The following UGT1A8 variants were observed in gnomAD, a reference collection of about 807,000 sequenced individuals.
UGT1A8 encodes the protein UDP-glucuronosyltransferase 1A8.
In UGT1A8, 39 loss-of-function variants were observed where a neutral mutation model predicts 45.3. The ratio of observed to expected loss-of-function variants is 0.86; its 90% CI spans 0.67 to 1.12. UGT1A8 has a LOEUF of 1.12. Ranked by LOEUF, UGT1A8 falls within the 50% of genes most tolerant of loss-of-function variation. The pLI, the probability that UGT1A8 is intolerant of heterozygous loss-of-function variation, is 0.00. For synonymous variants in UGT1A8, 275 were observed against 249.2 expected, an observed-to-expected ratio of 1.10 and a Z score of -0.97; for missense variants, 719 against 664.9, an observed-to-expected ratio of 1.08 and a Z score of -0.90.
intron 1 of UGT1A8, among the ~76,000 whole-genome samples, chr2:233,758,359 C>A (rs1696853264): frequency 6.6e-6 from 1 of 152,198 alleles, no homozygotes; most frequent in Non-Finnish European, 1.5e-5. Flanking sequence ...GCAGGAAAGT[C>A]ATAAAATCAT....
At chr2:233,631,559 G>T (rs2073186134) in intron 1 of UGT1A8, among the ~76,000 whole-genome samples, 1 of 152,088 alleles carries the variant, frequency 6.6e-6, no homozygotes, top group African/African-American at 2.4e-5. Flanking sequence ...ATCTCATTGT[G>T]GTTTTGATTT....
intron 1 of UGT1A8, among the ~76,000 whole-genome samples, chr2:233,626,554 TCA>T (rs1403150247): frequency 6.6e-6 from 1 of 152,066 alleles, no homozygotes; most frequent in Non-Finnish European, 1.5e-5. Context: ...CAACATCTGG[TCA>T]CAGTTTTCTC....
intron 1 of UGT1A8, chr2:233,718,998 G>T (rs759529745): frequency 1.9e-6 from 3 of 1,614,266 alleles, no homozygotes; most frequent in South Asian, 1.1e-5. Context: ...CCAGGCGGTG[G>T]TCCTCACCCC....
At chr2:233,743,076 G>T (rs1054800) in intron 1 of UGT1A8, 5 of 344,584 alleles carry the variant, frequency 1.5e-5, no homozygotes, top group Non-Finnish European at 2.8e-5. Context: ...GTGTTGGCAT[G>T]AAGTGTTTAT....
At chr2:233,622,244 C>G (rs146076542) in intron 1 of UGT1A8, among the ~76,000 whole-genome samples, 5 of 152,112 alleles carry the variant, frequency 3.3e-5, no homozygotes, top group African/African-American at 1.2e-4. Flanking sequence ...GGGTATATAC[C>G]CAGTAATGGG....
At chr2:233,659,378 A>G (rs2073921460) in intron 1 of UGT1A8, among the ~76,000 whole-genome samples, 4 of 152,232 alleles carry the variant, frequency 2.6e-5, no homozygotes, top group Admixed American at 2.0e-4. Flanking sequence ...CATATTTGAT[A>G]TGCTTTATGT....
chr2:233,707,812 G>A lies in UGT1A8; in HGVS notation c.856-59222G>A, dbSNP rs998296659. On this transcript the variant is annotated intron_variant, in intron 1 of 4. Transcript: ENST00000373450. ...GGGTGGAGCTGCTGCGTTGGAGGGC[G>A]TGCATATCATTAATTTAATAAGATG... Among the ~76,000 whole-genome samples, 10 of 152,234 alleles carry A rather than the reference G, an allele frequency of 6.6e-5. No homozygotes were observed. In the Middle Eastern group the frequency reaches 0.01, roughly 155 times the overall value.
At chr2:233,631,626 T>G (rs187146840) in intron 1 of UGT1A8, among the ~76,000 whole-genome samples, 12 of 152,340 alleles carry the variant, frequency 7.9e-5, no homozygotes, top group Admixed American at 7.2e-4. Flanking sequence ...GTTGGTTGTA[T>G]AAATGTCTTC....
chr2:233,621,084 C>CA (rs2072995073), intron 1 of UGT1A8, among the ~76,000 whole-genome samples: 1 of 152,062 alleles, frequency 6.6e-6, no homozygotes, highest in South Asian at 2.1e-4. Context: ...GAATTACATC[C>CA]AGGGATGTAA....
intron 1 of UGT1A8, among the ~76,000 whole-genome samples, chr2:233,706,678 C>T (rs2075919133): frequency 6.6e-6 from 1 of 152,170 alleles, no homozygotes; most frequent in Non-Finnish European, 1.5e-5. Flanking sequence ...CTACTCCCCA[C>T]CCCACTCCTT....
intron 1 of UGT1A8, among the ~76,000 whole-genome samples, chr2:233,702,494 C>T (rs374252732): frequency 3.1e-4 from 47 of 152,116 alleles, no homozygotes; most frequent in Non-Finnish European, 5.1e-4. Context: ...CCTCTAGTAC[C>T]GTGTTGAATA....
chr2:233,729,858 A>G (rs1450945508), intron 1 of UGT1A8: 1 of 1,613,820 alleles, frequency 6.2e-7, no homozygotes. Context: ...GAGAGGTGTC[A>G]GTGGTGGATA....
intron 1 of UGT1A8, chr2:233,672,488 C>A (rs2074228820): frequency 6.2e-7 from 1 of 1,613,962 alleles, no homozygotes; most frequent in Non-Finnish European, 8.5e-7. Context: ...CAGTGCCCTG[C>A]TCCTCTTTCC....
chr2:233,752,524 A>T (rs1231920163), intron 1 of UGT1A8: 1 of 152,204 alleles, frequency 6.6e-6, no homozygotes, highest in African/African-American at 2.4e-5. Context: ...TCAATTCTAA[A>T]AATTCTTTAA....
Position 233,659,696 on chromosome 2 carries a change from C to G in UGT1A8, c.855+41134C>G, listed in dbSNP as rs945701732. On this transcript the variant is annotated intron_variant, in intron 1 of 4. Coordinates refer to ENST00000373450, the MANE Select transcript of UGT1A8 (RefSeq NM_019076.5). ...AATGGAAATACATCATAATTACTGT[C>G]TGACATTTTTGCTCTTTCAGTTCTT... 3.3e-5 allele frequency among the ~76,000 whole-genome samples: 5 copies of G among 152,164 alleles called. No homozygotes were observed. In the South Asian group the frequency reaches 1.0e-3, roughly 32 times the overall value.
intron 1 of UGT1A8, among the ~76,000 whole-genome samples, chr2:233,652,755 G>A (rs138638870): frequency 8.9e-4 from 135 of 152,340 alleles, no homozygotes; most frequent in Admixed American, 2.8e-3. Context: ...CGCTGAGACA[G>A]CTGCATATCC....
At chr2:233,636,335 C>T in intron 1 of UGT1A8, 4 of 1,068,146 alleles carry the variant, frequency 3.7e-6, no homozygotes, top group Non-Finnish European at 5.1e-6. Context: ...GTAGGTATCT[C>T]AGCAAATGAT....
At chr2:233,660,197 C>T (rs2073936817) in intron 1 of UGT1A8, among the ~76,000 whole-genome samples, 1 of 152,200 alleles carries the variant, frequency 6.6e-6, no homozygotes, top group Non-Finnish European at 1.5e-5. Flanking sequence ...ACAAGGACAT[C>T]TTCCACAGTG....
intron 1 of UGT1A8, chr2:233,747,247 C>A: frequency 6.2e-7 from 1 of 1,601,894 alleles, no homozygotes; most frequent in Non-Finnish European, 8.5e-7. Flanking sequence ...CCTGCTGTGG[C>A]TGGCCACAGG....
Sources: gnomAD v4.1 joint callset for allele counts (sites outside exome capture counted in the v4.1 genomes callset) on GRCh38, gnomAD v4.1.1 for gene constraint, MANE v1.5 for transcripts, NCBI Gene and HGNC (gene_info 2026-07-23, HGNC 2026-07-21) for gene names.